The following FERMT2 variants were observed in gnomAD, a reference collection of about 807,000 sequenced individuals.
FERMT2 encodes the protein FERM domain containing kindlin 2, also known as fermitin family homolog 2.
Under a neutral mutation model 82.7 loss-of-function variants are expected in FERMT2, and 15 were observed. The observed-to-expected ratio is 0.18, with a 90% CI of 0.12 to 0.28. The LOEUF (loss-of-function observed/expected upper bound fraction) is 0.28. Among genes scored for constraint, FERMT2 ranks in the 10% least tolerant of loss-of-function variants. The pLI, the probability that FERMT2 is intolerant of heterozygous loss-of-function variation, is 1.00. For synonymous variants in FERMT2, 274 were observed against 271.5 expected (o/e 1.01, Z -0.09); for missense variants, 645 against 809.4 (o/e 0.80, Z 2.46).
chr14:52,927,945 C>A (rs1274607736), intron 2 of FERMT2: 5 of 311,716 alleles, frequency 1.6e-5, no homozygotes, highest in Non-Finnish European at 2.7e-5. Context: ...TTATTTAATG[C>A]CATAATGTTG....
At chr14:52,901,950 T>C (rs925854526) in intron 3 of FERMT2, among the ~76,000 whole-genome samples, 3 of 152,006 alleles carry the variant, frequency 2.0e-5, no homozygotes, top group Non-Finnish European at 2.9e-5. Flanking sequence ...ACAAACCTTC[T>C]AACAGGAAAG....
In FERMT2 at chr14:52,950,483, C is replaced by A. The variant is rs1158228923; in HGVS notation, c.86G>T (p.Arg29Leu). Residue 29 changes from arginine to leucine, a missense_variant, in exon 2 of 15, where the codon CGC becomes CTC. Physicochemically the swap from Arg to Leu is moderately radical, Grantham distance 102 (BLOSUM62 -2). Coordinates refer to ENST00000341590, the MANE Select transcript of FERMT2 (RefSeq NM_006832.3). ...ELSVHVTDLN[R>L]DVTLRVTGEV... Reference sequence around the variant, plus strand: ...GCCGGTCACTCTCAGGGTGACATCGCGGTTCAGGTCCGTCACATGGACACT... The same window carrying A: ...GCCGGTCACTCTCAGGGTGACATCGAGGTTCAGGTCCGTCACATGGACACT... The A allele has an allele frequency of 6.2e-7, 1 of 1,614,084 alleles. No individual in the cohort carries two copies. Among genetic ancestry groups the A allele is most frequent in the East Asian group, 2.2e-5 (1 of 44,862 alleles).
intron 2 of FERMT2, among the ~76,000 whole-genome samples, chr14:52,935,924 G>A (rs1378468799): frequency 1.3e-5 from 2 of 152,080 alleles, no homozygotes; most frequent in African/African-American, 4.8e-5. Context: ...GTTTTTTTCA[G>A]ATCACATAAG....
intron 3 of FERMT2, among the ~76,000 whole-genome samples, chr14:52,913,680 CAGTAGTAGT>C (rs60319673): frequency 1.0e-4 from 15 of 147,852 alleles, no homozygotes; most frequent in Middle Eastern, 3.5e-3. Flanking sequence ...CAGCCAAAAA[CAGTAGTAGT>C]AGTAGTAGTA....
intron 10 of FERMT2, among the ~76,000 whole-genome samples, chr14:52,865,418 A>G (rs1291432243): frequency 1.3e-5 from 2 of 152,224 alleles, no homozygotes; most frequent in Non-Finnish European, 2.9e-5. Context: ...AACAAGTAGT[A>G]ACAGTATAAT....
chr14:52,947,175 T>C (rs992900506), intron 2 of FERMT2, among the ~76,000 whole-genome samples: 2 of 152,208 alleles, frequency 1.3e-5, no homozygotes, highest in Non-Finnish European at 2.9e-5. Context: ...ATGTGTTTTA[T>C]ACTGAGATTT....
intron 3 of FERMT2, among the ~76,000 whole-genome samples, chr14:52,912,777 T>C (rs558195777): frequency 1.3e-5 from 2 of 152,320 alleles, no homozygotes; most frequent in East Asian, 3.9e-4. Context: ...CCCAAAGCGC[T>C]GGGATTACAG....
At chr14:52,893,057 G>A (rs956452085) in intron 4 of FERMT2, among the ~76,000 whole-genome samples, 5 of 152,172 alleles carry the variant, frequency 3.3e-5, no homozygotes, top group Admixed American at 6.5e-5. Context: ...GAGTGCAGTG[G>A]CACGATCTTG....
chr14:52,860,493 C>T, intron 12 of FERMT2, 28 bp from the exon 13 acceptor site: 2 of 1,591,932 alleles, frequency 1.3e-6, no homozygotes, highest in African/African-American at 2.7e-5. Flanking sequence ...TCACCTTTAC[C>T]ATTGAACATT....
intron 3 of FERMT2, among the ~76,000 whole-genome samples, chr14:52,902,051 C>G (rs1217795572): frequency 6.6e-6 from 1 of 151,420 alleles, no homozygotes; most frequent in East Asian, 1.9e-4. Context: ...AATGAAGAGG[C>G]TGAGAAAAAG....
intron 7 of FERMT2, among the ~76,000 whole-genome samples, chr14:52,877,934 G>C (rs1886069908): frequency 6.6e-6 from 1 of 152,158 alleles, no homozygotes; most frequent in Non-Finnish European, 1.5e-5. Flanking sequence ...GTATCTGTAA[G>C]AATGTGGATG....
chr14:52,899,524 T>G (rs1344598274), intron 3 of FERMT2, among the ~76,000 whole-genome samples: 1 of 152,198 alleles, frequency 6.6e-6, no homozygotes, highest in Non-Finnish European at 1.5e-5. Context: ...CCTAGTGATC[T>G]GCCCTCCTCG....
chr14:52,936,300 T>C (rs544331702), intron 2 of FERMT2, among the ~76,000 whole-genome samples: 2 of 152,330 alleles, frequency 1.3e-5, no homozygotes, highest in East Asian at 1.9e-4. Flanking sequence ...CAAATTCTAA[T>C]ATAAAACTTC....
intron 2 of FERMT2, among the ~76,000 whole-genome samples, chr14:52,939,758 T>TA (rs1566762633): frequency 6.6e-6 from 1 of 152,144 alleles, no homozygotes; most frequent in African/African-American, 2.4e-5. Flanking sequence ...ACAGAAATCA[T>TA]TGCCACCTTG....
At chr14:52,905,924 T>A (rs1052670737) in intron 3 of FERMT2, among the ~76,000 whole-genome samples, 1 of 152,230 alleles carries the variant, frequency 6.6e-6, no homozygotes, top group Non-Finnish European at 1.5e-5. Flanking sequence ...AAATTAAGAA[T>A]GGAGGATTTC....
intron 2 of FERMT2, among the ~76,000 whole-genome samples, chr14:52,920,435 A>T (rs1888893876): frequency 6.6e-6 from 1 of 151,830 alleles, no homozygotes; most frequent in African/African-American, 2.4e-5. Flanking sequence ...GTTCGAGACC[A>T]GGCAAGGCAA....
At chr14:52,885,172 G>A (rs1376531950) in intron 4 of FERMT2, among the ~76,000 whole-genome samples, 1 of 151,620 alleles carries the variant, frequency 6.6e-6, no homozygotes. Context: ...AATTAGCCAG[G>A]CATGGTGGCA....
intron 2 of FERMT2, among the ~76,000 whole-genome samples, chr14:52,934,651 A>G (rs1001809221): frequency 6.6e-6 from 1 of 152,212 alleles, no homozygotes; most frequent in Non-Finnish European, 1.5e-5. Context: ...TACCTTCACT[A>G]AATTCCTTTG....
chr14:52,922,017 T>A (rs1223774375), intron 2 of FERMT2, among the ~76,000 whole-genome samples: 2 of 152,080 alleles, frequency 1.3e-5, no homozygotes, highest in East Asian at 1.9e-4. Flanking sequence ...CACCAGCACA[T>A]GTCACTTGGG....
Sources: allele counts gnomAD v4.1 joint callset (sites outside exome capture counted in the v4.1 genomes callset), GRCh38; gene constraint gnomAD v4.1.1; transcripts MANE v1.5; gene names NCBI Gene and HGNC (gene_info 2026-07-23, HGNC 2026-07-21).